The following CINP variants were observed in gnomAD, a reference collection of about 807,000 sequenced individuals.
CINP encodes cyclin-dependent kinase 2-interacting protein.
A neutral mutation model predicts 20.5 loss-of-function variants in CINP; 11 were observed. The observed-to-expected ratio is 0.54, with a 90% CI of 0.34 to 0.89. CINP has a LOEUF of 0.89. Ranked by LOEUF, CINP falls within the 40% of genes least tolerant of loss-of-function variation. The pLI, the probability that CINP is intolerant of heterozygous loss-of-function variation, is 0.02. For synonymous variants in CINP, 108 were observed against 102.1 expected, an observed-to-expected ratio of 1.06 and a Z score of -0.35; for missense variants, 213 against 251.0, an observed-to-expected ratio of 0.85 and a Z score of 1.02.
chr14:102,361,879 C>T (rs1887171896), intron 1 of CINP, among the ~76,000 whole-genome samples: 1 of 152,118 alleles, frequency 6.6e-6, no homozygotes, highest in Non-Finnish European at 1.5e-5. Flanking sequence ...TTCCTGGATC[C>T]CCCAGGTTGG....
At chr14:102,355,627 G>T (rs1886981812) in intron 3 of CINP, 141 bp downstream of exon 3, 3 of 911,550 alleles carry the variant, frequency 3.3e-6, no homozygotes, top group Non-Finnish European at 3.4e-6. Context: ...GGAACATTAA[G>T]GTTTACGCAG....
At chr14:102,352,192 A>G (rs1886884088) in intron 3 of CINP, among the ~76,000 whole-genome samples, 1 of 152,118 alleles carries the variant, frequency 6.6e-6, no homozygotes, top group East Asian at 1.9e-4. Flanking sequence ...AGCCGACACC[A>G]AGTTTTAACA....
Position 102,351,323 on chromosome 14 carries a change from G to A in CINP, c.307-1275C>T, listed in dbSNP as rs918412052. On this transcript the variant is annotated intron_variant, in intron 3 of 4. Coordinates refer to ENST00000216756, the MANE Select transcript of CINP (RefSeq NM_032630.3). The surrounding 1 kb of genome is among the most constrained non-coding windows in gnomAD (Gnocchi z 4.2). ...TGCATGATGTGTATGGCTACTTGTGGGAGACACTAAACCAACCCCACTGCA... is the reference window on the plus strand; with the variant it reads ...TGCATGATGTGTATGGCTACTTGTGAGAGACACTAAACCAACCCCACTGCA... Among the ~76,000 whole-genome samples, 1 of 152,174 alleles carries A rather than the reference G, an allele frequency of 6.6e-6. No homozygotes were observed. The highest frequency in any genetic ancestry group is 1.5e-5 in the Non-Finnish European group (1 of 68,038).
intron 2 of CINP, 117 bp from the exon 3 acceptor site, chr14:102,356,014 G>T: frequency 9.6e-7 from 1 of 1,044,138 alleles, no homozygotes; most frequent in Non-Finnish European, 1.4e-6. Flanking sequence ...TTTTGCATAA[G>T]CATTGTTCTT....
At position 102,351,032 on chromosome 14, in the gene CINP, G is replaced by A. The variant is rs1886857390; in HGVS notation, c.307-984C>T. On this transcript the variant is annotated intron_variant, in intron 3 of 4. Transcript: ENST00000216756. The surrounding 1 kb of genome is among the most constrained non-coding windows in gnomAD (Gnocchi z 4.2). Reference sequence around the variant, plus strand: ...GTAGAGACGGGGTTTCACCATGTTGGCCAGGCTGGTCTTGATCTCCTGAAC... The same window carrying A: ...GTAGAGACGGGGTTTCACCATGTTGACCAGGCTGGTCTTGATCTCCTGAAC... 6.6e-6 allele frequency among the ~76,000 whole-genome samples: 1 copy of A among 151,750 alleles called. No individual in the cohort carries two copies.
At chr14:102,362,799 A>G (rs755055648) in intron 1 of CINP, 46 bp downstream of exon 1, 1 of 1,612,946 alleles carries the variant, frequency 6.2e-7, no homozygotes, top group South Asian at 1.1e-5. Context: ...CTAAGCAGTA[A>G]CATTCACAGC....
chr14:102,353,354 G>A (rs1176573451), intron 3 of CINP, among the ~76,000 whole-genome samples: 1 of 152,126 alleles, frequency 6.6e-6, no homozygotes, highest in African/African-American at 2.4e-5. Context: ...ACACTGCCCA[G>A]CCAGGTGATC....
At chr14:102,352,613 G>A (rs562177437) in intron 3 of CINP, 1 of 444,802 alleles carries the variant, frequency 2.2e-6, no homozygotes, top group South Asian at 1.6e-5. Flanking sequence ...TCAACTTTTG[G>A]TTTTGAACAT....
intron 2 of CINP, among the ~76,000 whole-genome samples, chr14:102,359,159 C>T (rs1381408880): frequency 6.7e-6 from 1 of 149,540 alleles, no homozygotes; most frequent in Non-Finnish European, 1.5e-5. Flanking sequence ...TGAGATCGCG[C>T]CATCACACTC....
chr14:102,348,798 A>C lies in CINP; in HGVS notation c.437-39T>G, dbSNP rs756455708. ...GAATCTCCCTTAATGGCAGTGATTCAAGAACATAGTGTCGACTTGGGAAGA... is the reference window on the plus strand; with the variant it reads ...GAATCTCCCTTAATGGCAGTGATTCCAGAACATAGTGTCGACTTGGGAAGA... On this transcript the variant is annotated intron_variant, in intron 4 of 4. Coordinates refer to ENST00000216756, the MANE Select transcript of CINP (RefSeq NM_032630.3). 1.0e-5 allele frequency: 16 copies of C among 1,576,220 alleles called. No homozygotes were observed. The South Asian group carries it at 1.8e-4, about 18-fold the overall frequency.
intron 3 of CINP, among the ~76,000 whole-genome samples, chr14:102,354,743 A>C (rs1324807837): frequency 6.6e-6 from 1 of 151,186 alleles, no homozygotes; most frequent in Non-Finnish European, 1.5e-5. Flanking sequence ...CCTCAGTGGC[A>C]GAGTGAGGCC....
At chr14:102,350,808 C>CTTTT (rs58210806) in intron 3 of CINP, among the ~76,000 whole-genome samples, 9 of 127,872 alleles carry the variant, frequency 7.0e-5, no homozygotes, top group South Asian at 2.6e-4. Flanking sequence ...CTCTCTCTCT[C>CTTTT]TTTTTTTTTT....
intron 1 of CINP, among the ~76,000 whole-genome samples, chr14:102,361,353 A>G (rs903000460): frequency 6.6e-6 from 1 of 152,210 alleles, no homozygotes; most frequent in South Asian, 2.1e-4. Context: ...CAAGATAAGA[A>G]GTTGGACCGA....
In CINP at chr14:102,362,840, C is replaced by T. The variant is rs750352862; in HGVS notation, c.7+5G>A. 2 of 1,614,120 alleles carry T rather than the reference C, an allele frequency of 1.2e-6. No individual in the cohort carries two copies. Among genetic ancestry groups the T allele is most frequent in the South Asian group, 1.1e-5 (1 of 91,080 alleles). The stretch of plus-strand genomic sequence containing the variant: ...CACCCCGGGAAAGGAACCGATCTCA[C>T]GCACCTTCCATAAGGTCCACAGATA... On this transcript the variant is annotated splice_donor_5th_base_variant and intron_variant, in intron 1 of 4. Coordinates refer to ENST00000216756, the MANE Select transcript of CINP (RefSeq NM_032630.3).
At position 102,351,978 on chromosome 14, in the gene CINP, G is replaced by A. The variant is rs1159475226; in HGVS notation, c.307-1930C>T. Among the ~76,000 whole-genome samples the A allele has an allele frequency of 2.0e-5, 3 of 152,008 alleles. No homozygotes were observed. Among genetic ancestry groups the A allele is most frequent in the African/African-American group, 7.3e-5 (3 of 41,378 alleles). ...CCGCTCACTGCAACCTCCGCCTCCCGGGTTCATGCCATTCTCCTGCCTCAG... is the reference window on the plus strand; with the variant it reads ...CCGCTCACTGCAACCTCCGCCTCCCAGGTTCATGCCATTCTCCTGCCTCAG... On this transcript the variant is annotated intron_variant, in intron 3 of 4. Coordinates refer to ENST00000216756, the MANE Select transcript of CINP (RefSeq NM_032630.3). The surrounding 1 kb of genome is among the most constrained non-coding windows in gnomAD (Gnocchi z 4.2).
intron 3 of CINP, among the ~76,000 whole-genome samples, chr14:102,353,611 CTAAT>C (rs1002929563): frequency 4.6e-5 from 7 of 152,312 alleles, no homozygotes; most frequent in Non-Finnish European, 7.4e-5. Flanking sequence ...TAACCTCAGT[CTAAT>C]TAGGAGAAAA....
chr14:102,355,626 A>C, intron 3 of CINP, 142 bp downstream of exon 3: 1 of 881,870 alleles, frequency 1.1e-6, no homozygotes, highest in Non-Finnish European at 1.8e-6. Flanking sequence ...GGGAACATTA[A>C]GGTTTACGCA....
chr14:102,361,987 T>C (rs537780654), intron 1 of CINP, among the ~76,000 whole-genome samples: 4 of 152,354 alleles, frequency 2.6e-5, no homozygotes, highest in Middle Eastern at 3.4e-3. Flanking sequence ...CTATATTCCC[T>C]GCTAAACTGG....
At chr14:102,357,761 G>A (rs1887029618) in intron 2 of CINP, among the ~76,000 whole-genome samples, 1 of 152,234 alleles carries the variant, frequency 6.6e-6, no homozygotes, top group African/African-American at 2.4e-5. Context: ...AGGTGAAGCT[G>A]CAAGCGCTAA....
Sources: gnomAD v4.1 joint callset for allele counts (sites outside exome capture counted in the v4.1 genomes callset) on GRCh38, gnomAD v4.1.1 for gene constraint, Gnocchi (gnomAD v3.1) non-coding constraint, MANE v1.5 for transcripts, NCBI Gene and HGNC (gene_info 2026-07-23, HGNC 2026-07-21) for gene names.